CCN4: variants seen among roughly 807,000 people sequenced by gnomAD.
CCN4 encodes the protein CCN family member 4.
CCN4 carries 30 observed loss-of-function variants against 36.7 expected under a neutral mutation model. The ratio of observed to expected loss-of-function variants is 0.82; its 90% CI spans 0.61 to 1.11. The LOEUF (loss-of-function observed/expected upper bound fraction) is 1.11. Ranked by LOEUF, CCN4 falls within the 50% of genes least tolerant of loss-of-function variation. CCN4 has a pLI of 0.00. For missense variants in CCN4, 505 were observed against 504.9 expected, an observed-to-expected ratio of 1.00 and a Z score of 0.00; for synonymous variants, 191 against 195.4, an observed-to-expected ratio of 0.98 and a Z score of 0.19.
chr8:133,217,429 C>G (rs1854359205), intron 2 of CCN4, among the ~76,000 whole-genome samples: 1 of 152,230 alleles, frequency 6.6e-6, no homozygotes, highest in South Asian at 2.1e-4. Flanking sequence ...TCGATCACAC[C>G]TGCACTTGCA....
intron 1 of CCN4, among the ~76,000 whole-genome samples, chr8:133,211,016 C>T (rs979329818): frequency 6.6e-6 from 1 of 152,316 alleles, no homozygotes; most frequent in African/African-American, 2.4e-5. Context: ...TGTCTGTTGA[C>T]TTGCAAGGGC....
intron 2 of CCN4, among the ~76,000 whole-genome samples, chr8:133,217,714 G>A (rs1247444511): frequency 1.3e-5 from 2 of 152,118 alleles, no homozygotes; most frequent in Non-Finnish European, 2.9e-5. Flanking sequence ...AAAATACGGA[G>A]ATCAACAAAA....
chr8:133,213,237 C>G (rs1854132676), intron 2 of CCN4, 94 bp downstream of exon 2: 1 of 1,438,694 alleles, frequency 7.0e-7, no homozygotes, highest in South Asian at 1.3e-5. Flanking sequence ...AGCCTTTCAC[C>G]TGGCCAGGCT....
intron 3 of CCN4, among the ~76,000 whole-genome samples, chr8:133,223,973 C>T (rs1423231263): frequency 1.3e-5 from 2 of 152,178 alleles, no homozygotes; most frequent in African/African-American, 4.8e-5. Context: ...AGTTGGCTGA[C>T]AGTCAAATGA....
chr8:133,193,334 A>C (rs1331515706), intron 1 of CCN4, among the ~76,000 whole-genome samples: 2 of 152,210 alleles, frequency 1.3e-5, no homozygotes, highest in Non-Finnish European at 2.9e-5. Flanking sequence ...TCTCTGGGAG[A>C]TATGAAAGCA....
In CCN4 at chr8:133,191,318, G is replaced by A. The variant is rs939935986; in HGVS notation, c.69+105G>A. 1,140 of 1,341,276 alleles carry A rather than the reference G, an allele frequency of 8.5e-4. 9 individuals carry two copies. The highest frequency in any genetic ancestry group is 1.0e-3 in the Admixed American group (44 of 42,528). The allele number at this position is 1,341,276 out of a possible 1,614,324, so 83.1% of individuals were successfully genotyped here. ...AGGATGAAAAGGGCCAGGAAGGTTTGGGGCTGGAAGGTGGCCACTTACAGG... is the reference window on the plus strand; with the variant it reads ...AGGATGAAAAGGGCCAGGAAGGTTTAGGGCTGGAAGGTGGCCACTTACAGG... On this transcript the variant is annotated intron_variant, in intron 1 of 4. Transcript: ENST00000250160.
Position 133,227,992 on chromosome 8 carries a change from A to G in CCN4, c.*282A>G. ...GATCCAGCCTTTCCAAGTCACTAGAAGTCCTGCTGGATCTTGCCTAAATCC... is the reference window on the plus strand; with the variant it reads ...GATCCAGCCTTTCCAAGTCACTAGAGGTCCTGCTGGATCTTGCCTAAATCC... On this transcript the variant is annotated 3_prime_UTR_variant, in exon 5 of 5. Transcript: ENST00000250160. 2.9e-6 allele frequency: 1 copy of G among 346,664 alleles called. No homozygotes were observed. 21.5% of individuals were successfully genotyped at this position (346,664 alleles called of 1,614,324 possible).
chr8:133,201,012 G>C (rs4415288), intron 1 of CCN4, among the ~76,000 whole-genome samples: 152,271 of 152,304 alleles, frequency 1, 76,119 homozygotes, highest in Non-Finnish European at 1. Flanking sequence ...GGAGCACTCT[G>C]TGGTCCTATT....
chr8:133,202,991 A>C (rs972255846), intron 1 of CCN4, among the ~76,000 whole-genome samples: 30 of 152,252 alleles, frequency 2.0e-4, no homozygotes, highest in African/African-American at 6.8e-4. Flanking sequence ...AGTGAACAGA[A>C]GCTGCTTCCA....
chr8:133,193,437 C>T (rs1022486197), intron 1 of CCN4, among the ~76,000 whole-genome samples: 3 of 152,108 alleles, frequency 2.0e-5, no homozygotes, highest in African/African-American at 4.8e-5. Context: ...CAGGAACAGC[C>T]GAGTGTATTT....
At position 133,229,650 on chromosome 8, in the gene CCN4, G is replaced by A. The variant is rs1399318377; in HGVS notation, c.*1940G>A. On this transcript the variant is annotated 3_prime_UTR_variant, in exon 5 of 5. Coordinates refer to ENST00000250160, the MANE Select transcript of CCN4 (RefSeq NM_003882.4). ...TGTGACCTCCCCAAAACCTAGTCCA[G>A]TGCAAGGTATACAGTGGTGCTCATT... The A allele has an allele frequency of 6.6e-6, 1 of 152,226 alleles. No individual in the cohort carries two copies. Among genetic ancestry groups the A allele is most frequent in the Non-Finnish European group, 1.5e-5 (1 of 68,042 alleles). The allele number at this position is 152,226 out of a possible 1,614,324, so 9.4% of individuals were successfully genotyped here. A position where few individuals can be genotyped will look rare whatever the true frequency, so the allele number is the denominator to read the frequency against.
intron 3 of CCN4, among the ~76,000 whole-genome samples, chr8:133,221,565 GATGATGAATGA>G (rs1241754882): frequency 1.3e-5 from 2 of 151,880 alleles, no homozygotes; most frequent in African/African-American, 4.8e-5. Flanking sequence ...TGGATGGAAG[GATGATGAATGA>G]ATGGGTGGAT....
intron 2 of CCN4, among the ~76,000 whole-genome samples, chr8:133,217,072 G>T (rs950335923): frequency 6.6e-6 from 1 of 152,122 alleles, no homozygotes; most frequent in African/African-American, 2.4e-5. Flanking sequence ...ATGACTTTAG[G>T]CGAACTACTT....
At chr8:133,215,431 T>C (rs1244185088) in intron 2 of CCN4, among the ~76,000 whole-genome samples, 1 of 152,198 alleles carries the variant, frequency 6.6e-6, no homozygotes, top group Non-Finnish European at 1.5e-5. Flanking sequence ...AAAACTGTTC[T>C]TCAAGGTCAT....
rs559436824 is a variant in CCN4, at chr8:133,203,438, A to G, written c.70-9426A>G. 1.2e-4 allele frequency among the ~76,000 whole-genome samples: 19 copies of G among 152,336 alleles called. No homozygotes were observed. In the East Asian group the frequency reaches 3.7e-3, roughly 29 times the overall value. On this transcript the variant is annotated intron_variant, in intron 1 of 4. Transcript: ENST00000250160. ...AGGTGATTACAAGTAAGGGTTCTGC[A>G]GGGACACTCTGGGTCAATAGACCAC... is the stretch of plus-strand genomic sequence containing the variant.
chr8:133,225,013 T>G (rs1216774797), intron 3 of CCN4, among the ~76,000 whole-genome samples: 1 of 151,968 alleles, frequency 6.6e-6, no homozygotes, highest in Non-Finnish European at 1.5e-5. Context: ...TAGGCCTTAT[T>G]ATTGTGTTGC....
intron 3 of CCN4, among the ~76,000 whole-genome samples, chr8:133,221,668 AATAG>A (rs1034376904): frequency 4.6e-5 from 7 of 151,800 alleles, no homozygotes; most frequent in Middle Eastern, 3.4e-3. Flanking sequence ...TAGGTGTATA[AATAG>A]ATAGATGGGT....
chr8:133,213,273 T>C (rs1232757325), intron 2 of CCN4, 130 bp downstream of exon 2: 2 of 1,149,062 alleles, frequency 1.7e-6, no homozygotes, highest in South Asian at 1.6e-5. Flanking sequence ...ATACACCCCA[T>C]GATCAGAGGC....
intron 1 of CCN4, among the ~76,000 whole-genome samples, chr8:133,200,883 G>A (rs1175086960): frequency 3.3e-5 from 5 of 152,126 alleles, no homozygotes; most frequent in East Asian, 1.9e-4. Context: ...GTCATGCCAC[G>A]TTGCTTCTGC....
Sources: gnomAD v4.1 joint callset for allele counts (sites outside exome capture counted in the v4.1 genomes callset) on GRCh38, gnomAD v4.1.1 for gene constraint, MANE v1.5 for transcripts, NCBI Gene and HGNC (gene_info 2026-07-23, HGNC 2026-07-21) for gene names.